Variants in FAM186A observed in about 807,000 individuals in gnomAD.
The protein encoded by FAM186A is protein FAM186A.
Under a neutral mutation model 216.8 loss-of-function variants are expected in FAM186A, and 163 were observed. The observed-to-expected ratio is 0.75, with a 90% CI of 0.66 to 0.86. The LOEUF (loss-of-function observed/expected upper bound fraction) is 0.86. Among genes scored for constraint, FAM186A ranks in the 40% least tolerant of loss-of-function variants. The pLI, the probability that FAM186A is intolerant of heterozygous loss-of-function variation, is 0.00. For missense variants in FAM186A, 2,184 were observed against 2,746.2 expected (o/e 0.80, Z 4.58); for synonymous variants, 805 against 1,025.3 (o/e 0.79, Z 4.10).
At chr12:50,382,097 C>T (rs1274705017) in intron 1 of FAM186A, among the ~76,000 whole-genome samples, 2 of 152,048 alleles carry the variant, frequency 1.3e-5, no homozygotes, top group Non-Finnish European at 2.9e-5. Context: ...GCTCTGCCCA[C>T]CCTCTGGAGA....
intron 4 of FAM186A, among the ~76,000 whole-genome samples, chr12:50,342,975 TGC>T (rs1942779929): frequency 6.8e-6 from 1 of 147,800 alleles, no homozygotes; most frequent in Non-Finnish European, 1.5e-5. Flanking sequence ...TCAGGCTGGG[TGC>T]AGTGGCTGAC....
At chr12:50,372,974 C>T (rs7969941) in intron 1 of FAM186A, among the ~76,000 whole-genome samples, 20 of 94,972 alleles carry the variant, frequency 2.1e-4, no homozygotes, top group Admixed American at 4.5e-4. Context: ...GAGGGAGGGA[C>T]GGAGGGAGGA....
chr12:50,393,487 A>G (rs1449315360), intron 1 of FAM186A, among the ~76,000 whole-genome samples: 2 of 151,176 alleles, frequency 1.3e-5, no homozygotes, highest in Non-Finnish European at 2.9e-5. Context: ...GGTTGCAGTG[A>G]TCCGAGGTGG....
chr12:50,387,101 T>G (rs186393580), intron 1 of FAM186A, among the ~76,000 whole-genome samples: 1 of 152,160 alleles, frequency 6.6e-6, no homozygotes. Flanking sequence ...GGGTGTCTTT[T>G]ATTTCAATTC....
chr12:50,352,723 G>T lies in FAM186A; in HGVS notation c.4109C>A (p.Ala1370Asp), dbSNP rs767560347. ...CTGAGTGGTGAGAGGCATCCCCAAG[G>T]CCTGAGCGTGCTGAGGGGTGAGAGG... The part of the protein sequence containing the change: ...GIPLTPQHAQ[A>D]LGMPLTTQQA... The change falls in exon 4 of 8, where the codon GCC becomes GAC. Residue 1370 changes from alanine (A) to aspartate (D), a missense_variant. Transcript: ENST00000327337. The T allele has an allele frequency of 6.6e-7, 1 of 1,504,698 alleles. No individual in the cohort carries two copies. 93.2% of individuals were successfully genotyped at this position (1,504,698 alleles called of 1,614,324 possible).
At chr12:50,330,296 G>T (rs1942643665) in intron 7 of FAM186A, among the ~76,000 whole-genome samples, 1 of 152,170 alleles carries the variant, frequency 6.6e-6, no homozygotes, top group South Asian at 2.1e-4. Flanking sequence ...ATTAAAAGTG[G>T]ACCTATCTAG....
Position 50,356,216 on chromosome 12 carries a change from C to G in FAM186A, c.616G>C (p.Glu206Gln). Residue 206 changes from glutamate to glutamine, a missense_variant, in exon 4 of 8, where the codon GAA becomes CAA. Glu to Gln is a conservative substitution (Grantham distance 29). Around this residue, in one of 7 missense-constraint regions of FAM186A, gnomAD observed 1,132 missense variants for 1,263.4 expected, o/e 0.90. Transcript: ENST00000327337. ...GTTGAAGGTCGTTTTATAACTCTTTCTTTCCAAGATTTCCATAGAGTACCT... is the reference window on the plus strand; with the variant it reads ...GTTGAAGGTCGTTTTATAACTCTTTGTTTCCAAGATTTCCATAGAGTACCT... ...SRGTLWKSWK[E>Q]RVIKRPSTAR... 1 of 1,550,126 alleles carries G rather than the reference C, an allele frequency of 6.5e-7. No homozygotes were observed. Among genetic ancestry groups the G allele is most frequent in the Non-Finnish European group, 8.7e-7 (1 of 1,146,618 alleles).
At chr12:50,391,846 G>T (rs1943360083) in intron 1 of FAM186A, among the ~76,000 whole-genome samples, 1 of 152,080 alleles carries the variant, frequency 6.6e-6, no homozygotes, top group African/African-American at 2.4e-5. Context: ...TTATTCCAGA[G>T]AAATGAAAGC....
chr12:50,368,244 A>C (rs1212206666), intron 1 of FAM186A, among the ~76,000 whole-genome samples: 1 of 151,756 alleles, frequency 6.6e-6, no homozygotes, highest in African/African-American at 2.4e-5. Context: ...TTTACTAGAA[A>C]TACAAAAATT....
chr12:50,354,237 C>T lies in FAM186A; in HGVS notation c.2595G>A (p.Lys865=). 6.4e-7 allele frequency: 1 copy of T among 1,551,608 alleles called. No individual in the cohort carries two copies. Among genetic ancestry groups the T allele is most frequent in the South Asian group, 1.2e-5 (1 of 84,058 alleles). The change falls in exon 4 of 8, where the codon AAG becomes AAA. Residue 865 remains lysine, a synonymous_variant. Coordinates refer to ENST00000327337, the MANE Select transcript of FAM186A (RefSeq NM_001145475.3). The part of the protein sequence containing the change: ...EKISENWEEK[K]AWLQMKEGKQ... ...TTCCCTCCTTCATCTGGAGCCATGC[C>T]TTTTTTTCTTCCCAATTCTCACTTA...
At chr12:50,340,529 G>A (rs1024024113) in intron 4 of FAM186A, among the ~76,000 whole-genome samples, 14 of 152,074 alleles carry the variant, frequency 9.2e-5, no homozygotes, top group South Asian at 2.1e-4. Flanking sequence ...GGGCAACAGA[G>A]GGAGATCCAT....
chr12:50,328,756 G>A (rs1254017981), intron 7 of FAM186A, among the ~76,000 whole-genome samples: 5 of 151,840 alleles, frequency 3.3e-5, no homozygotes, highest in Non-Finnish European at 5.9e-5. Context: ...TAATCCACCT[G>A]CCTCAGCCTC....
intron 1 of FAM186A, among the ~76,000 whole-genome samples, chr12:50,386,651 G>A (rs1256086856): frequency 1.3e-5 from 2 of 152,028 alleles, no homozygotes; most frequent in African/African-American, 4.8e-5. Context: ...CTTAACGTCA[G>A]GAGTTCAAGA....
chr12:50,375,247 C>A (rs553772925), intron 1 of FAM186A, among the ~76,000 whole-genome samples: 1 of 151,906 alleles, frequency 6.6e-6, no homozygotes, highest in African/African-American at 2.4e-5. Flanking sequence ...TAGCGATATA[C>A]AATTACAAAC....
At position 50,354,317 on chromosome 12, in the gene FAM186A, G is replaced by A. The variant is rs982396188; in HGVS notation, c.2515C>T (p.Leu839Phe). The A allele has an allele frequency of 2.1e-5, 33 of 1,551,466 alleles. No homozygotes were observed. Among genetic ancestry groups the A allele is most frequent in the Non-Finnish European group, 2.8e-5 (32 of 1,147,000 alleles). The change falls in exon 4 of 8, where the codon CTC (leucine) becomes TTC (phenylalanine). Residue 839 changes from leucine (L) to phenylalanine (F), a missense_variant. Transcript: ENST00000327337. ...CTTTCTCCCAGCAACTGCTGTTTGA[G>A]ACTCATGCCAGACATTTGTTCTTGA... ...EGQEQMSGMSLKQQLLGERNL... is the reference protein window; with the variant it reads ...EGQEQMSGMSFKQQLLGERNL...
At chr12:50,363,772 AG>A (rs370294282) in intron 1 of FAM186A, among the ~76,000 whole-genome samples, 78,608 of 143,510 alleles carry the variant, frequency 0.55, 22,922 homozygotes, top group Non-Finnish European at 0.65. Flanking sequence ...AAAAAAAAAA[AG>A]AAAGAAAGAA....
chr12:50,382,460 G>A (rs963376854), intron 1 of FAM186A, among the ~76,000 whole-genome samples: 6 of 152,010 alleles, frequency 3.9e-5, no homozygotes, highest in African/African-American at 1.4e-4. Context: ...AGCACTTTGG[G>A]AGGCTGAAGT....
intron 1 of FAM186A, among the ~76,000 whole-genome samples, chr12:50,382,982 C>G (rs1943266987): frequency 6.6e-6 from 1 of 151,780 alleles, no homozygotes; most frequent in Non-Finnish European, 1.5e-5. Flanking sequence ...CCTATAATCC[C>G]AGAACTCTGA....
intron 4 of FAM186A, among the ~76,000 whole-genome samples, chr12:50,334,671 T>G (rs551343177): frequency 6.6e-6 from 1 of 151,914 alleles, no homozygotes; most frequent in East Asian, 1.9e-4. Context: ...AGAGATGGGG[T>G]TTTGCCATGT....
Sources: allele counts gnomAD v4.1 joint callset (sites outside exome capture counted in the v4.1 genomes callset), GRCh38; gene constraint gnomAD v4.1.1; regional missense constraint gnomAD v4.1.1; transcripts MANE v1.5; gene names NCBI Gene and HGNC (gene_info 2026-07-23, HGNC 2026-07-21).